Variants in BCAS1 observed in about 807,000 individuals in gnomAD.
The protein encoded by BCAS1 is breast carcinoma-amplified sequence 1.
Under a neutral mutation model 65.4 loss-of-function variants are expected in BCAS1, and 46 were observed. The ratio of observed to expected loss-of-function variants is 0.70; its 90% CI spans 0.55 to 0.90. BCAS1 has a LOEUF of 0.90. Among genes scored for constraint, BCAS1 ranks in the 40% least tolerant of loss-of-function variants. The pLI is 0.00. For missense variants in BCAS1, 793 were observed against 771.2 expected (o/e 1.03, Z -0.33); for synonymous variants, 298 against 293.5 (o/e 1.02, Z -0.16).
intron 10 of BCAS1, among the ~76,000 whole-genome samples, chr20:53,962,128 A>G (rs987465912): frequency 6.6e-6 from 1 of 152,232 alleles, no homozygotes; most frequent in African/African-American, 2.4e-5. Context: ...GCAAATCAGT[A>G]TTAACATTTT....
Position 54,028,400 on chromosome 20 carries a change from C to A in BCAS1, c.715G>T (p.Ala239Ser). Reference sequence around the variant, plus strand: ...CACCTTGGCACACTTACCTTCCCTGCAGGGACATCATCGGACTGCCCTGAT... The same window carrying A: ...CACCTTGGCACACTTACCTTCCCTGAAGGGACATCATCGGACTGCCCTGAT... The part of the protein sequence containing the change: ...GLSGQSDDVP[A>S]GKDIVDGKEK... The change falls in exon 4 of 13, where the codon GCA (alanine) becomes TCA (serine). Residue 239 changes from alanine to serine, a missense_variant. Transcript: ENST00000688948. 1.2e-6 allele frequency: 2 copies of A among 1,614,226 alleles called. No individual in the cohort carries two copies. The highest frequency in any genetic ancestry group is 8.5e-7 in the Non-Finnish European group (1 of 1,180,030).
chr20:54,017,934 GA>G (rs1189911772), intron 4 of BCAS1, among the ~76,000 whole-genome samples: 2 of 152,024 alleles, frequency 1.3e-5, no homozygotes, highest in Non-Finnish European at 2.9e-5. Context: ...AACCACACCA[GA>G]AAACCTGCCT....
intron 7 of BCAS1, among the ~76,000 whole-genome samples, chr20:53,989,231 T>C (rs913043814): frequency 5.9e-5 from 9 of 152,200 alleles, no homozygotes; most frequent in African/African-American, 1.9e-4. Context: ...ACATCTATAC[T>C]GATCAGTTTC....
intron 3 of BCAS1, among the ~76,000 whole-genome samples, chr20:54,048,825 C>T (rs77761433): frequency 0.016 from 2,415 of 152,346 alleles, 31 homozygotes; most frequent in Non-Finnish European, 0.023. Flanking sequence ...TAATATGCCA[C>T]TGTTCATTGA....
intron 12 of BCAS1, among the ~76,000 whole-genome samples, chr20:53,952,498 C>A (rs949661471): frequency 2.6e-5 from 4 of 152,204 alleles, no homozygotes. Context: ...TGCATTTATA[C>A]CCCTGTTAAA....
At chr20:53,992,749 T>C in intron 6 of BCAS1, 103 bp from the exon 7 acceptor site, 1 of 1,136,496 alleles carries the variant, frequency 8.8e-7, no homozygotes, top group African/African-American at 1.6e-5. Flanking sequence ...GACAATTAAC[T>C]GTTGGTACAC....
chr20:53,996,095 A>G (rs1404918283), intron 4 of BCAS1, 45 bp from the exon 5 acceptor site: 4 of 1,527,482 alleles, frequency 2.6e-6, no homozygotes, highest in Non-Finnish European at 2.6e-6. Context: ...CTGAATGTGA[A>G]CTCTCAAAGT....
At chr20:53,995,155 T>C (rs1346208795) in intron 5 of BCAS1, 99 bp from the exon 6 acceptor site, 17 of 987,026 alleles carry the variant, frequency 1.7e-5, no homozygotes, top group East Asian at 4.9e-5. Flanking sequence ...CAGTTCACCA[T>C]ACAGGTCAAG....
chr20:53,957,445 T>C lies in BCAS1; in HGVS notation c.1538A>G (p.Asp513Gly), dbSNP rs746479757. The C allele has an allele frequency of 1.9e-6, 3 of 1,613,886 alleles. No individual in the cohort carries two copies. Among genetic ancestry groups the C allele is most frequent in the Admixed American group, 1.7e-5 (1 of 60,002 alleles). ...GAGGTCACTTACTTGGCAGCTGGAG[T>C]CTTTCCCATTTATTTCTTCTGAGTG... is the stretch of plus-strand genomic sequence containing the variant. ...ITHSEEINGK[D>G]SSCQTSDSTE... Residue 513 changes from aspartate (D) to glycine (G), a missense_variant, in exon 11 of 13, where the codon GAC becomes GGC. Transcript: ENST00000688948.
intron 12 of BCAS1, among the ~76,000 whole-genome samples, chr20:53,951,248 G>A (rs2089513011): frequency 1.3e-5 from 2 of 152,110 alleles, no homozygotes; most frequent in South Asian, 2.1e-4. Flanking sequence ...TGAGGCGGGC[G>A]GATCACTCGA....
At chr20:54,054,721 A>G (rs2092270458) in intron 3 of BCAS1, among the ~76,000 whole-genome samples, 1 of 152,220 alleles carries the variant, frequency 6.6e-6, no homozygotes, top group Admixed American at 6.5e-5. Flanking sequence ...AGGGCGAGGT[A>G]CAAATAACCC....
At position 53,996,003 on chromosome 20, in the gene BCAS1, C is replaced by A. The variant is rs34375573; in HGVS notation, c.771G>T (p.Ala257=). The part of the protein sequence containing the change: ...KEKEGQELGT[A]DCSVPGDPEG... ...CTGGGTCCCCAGGGACAGAGCAATC[C>A]GCAGTTCCAAGTTCTTGTCCTTCTT... Residue 257 remains alanine (A), a synonymous_variant, in exon 5 of 13, where the codon GCG becomes GCT. Coordinates refer to ENST00000688948, the MANE Select transcript of BCAS1 (RefSeq NM_001366298.2). 2 of 1,611,772 alleles carry A rather than the reference C, an allele frequency of 1.2e-6. No individual in the cohort carries two copies. Among genetic ancestry groups the A allele is most frequent in the Non-Finnish European group, 8.5e-7 (1 of 1,178,696 alleles).
intron 3 of BCAS1, among the ~76,000 whole-genome samples, chr20:54,042,871 G>A (rs2092025347): frequency 6.6e-6 from 1 of 152,238 alleles, no homozygotes; most frequent in African/African-American, 2.4e-5. Context: ...CAGCAGCGAG[G>A]CAGGTTCTAA....
intron 10 of BCAS1, 74 bp from the exon 11 acceptor site, chr20:53,957,571 G>GATA: frequency 2.2e-6 from 3 of 1,369,694 alleles, no homozygotes; most frequent in Non-Finnish European, 3.1e-6. Context: ...GTTCTGAAAT[G>GATA]GATGATCTCA....
intron 1 of BCAS1, among the ~76,000 whole-genome samples, chr20:54,062,409 C>T (rs192328869): frequency 1.9e-4 from 29 of 152,292 alleles, no homozygotes; most frequent in East Asian, 1.7e-3. Flanking sequence ...AACTGAGGCA[C>T]GCAGGTTAAA....
intron 8 of BCAS1, 46 bp downstream of exon 8, chr20:53,985,241 T>C: frequency 6.4e-7 from 1 of 1,572,210 alleles, no homozygotes; most frequent in Non-Finnish European, 8.7e-7. Flanking sequence ...AGTTCTGGAG[T>C]CATCCCCGCC....
intron 11 of BCAS1, among the ~76,000 whole-genome samples, chr20:53,954,336 G>GAGAGA (rs1159772238): frequency 5.5e-4 from 46 of 83,986 alleles, no homozygotes; most frequent in East Asian, 1.4e-3. Flanking sequence ...AGAGAGAGAG[G>GAGAGA]GACCAGGCAT....
chr20:54,047,225 G>T (rs2214528), intron 3 of BCAS1, among the ~76,000 whole-genome samples: 12 of 152,180 alleles, frequency 7.9e-5, no homozygotes, highest in African/African-American at 2.9e-4. Context: ...GCCTTTCTCA[G>T]AGCTAGTGTT....
chr20:53,985,302 T>A lies in BCAS1; in HGVS notation c.1260A>T (p.Lys420Asn). The A allele has an allele frequency of 6.2e-7, 1 of 1,613,430 alleles. No individual in the cohort carries two copies. Among genetic ancestry groups the A allele is most frequent in the South Asian group, 1.1e-5 (1 of 91,054 alleles). ...KSGPTSLPLG[K>N]LFWKKSVKED... is the part of the protein sequence containing the mutation. ...TCAGACTTACCTTTTTCCAAAACAGTTTGCCCAGAGGCAGAGAGGTGGGTC... is the reference window on the plus strand; with the variant it reads ...TCAGACTTACCTTTTTCCAAAACAGATTGCCCAGAGGCAGAGAGGTGGGTC... Residue 420 changes from lysine (K) to asparagine (N), a missense_variant, in exon 8 of 13, where the codon AAA (lysine) becomes AAT (asparagine). Coordinates refer to ENST00000688948, the MANE Select transcript of BCAS1 (RefSeq NM_001366298.2).
Sources: allele counts gnomAD v4.1 joint callset (sites outside exome capture counted in the v4.1 genomes callset), GRCh38; gene constraint gnomAD v4.1.1; transcripts MANE v1.5; gene names NCBI Gene and HGNC (gene_info 2026-07-23, HGNC 2026-07-21).